The following ICA1 variants were observed in gnomAD, a reference collection of about 807,000 sequenced individuals.
ICA1 encodes islet cell autoantigen 1, also known as 69 kDa islet cell autoantigen.
A neutral mutation model predicts 71.0 loss-of-function variants in ICA1; 40 were observed. That is an observed-to-expected ratio of 0.56 (90% CI 0.44 to 0.73). The LOEUF is 0.73. Among genes scored for constraint, ICA1 ranks in the 30% least tolerant of loss-of-function variants. The pLI, the probability that ICA1 is intolerant of heterozygous loss-of-function variation, is 0.00. For missense variants in ICA1, 578 were observed against 576.5 expected (o/e 1.00, Z -0.03); for synonymous variants, 207 against 209.5 (o/e 0.99, Z 0.10).
rs1302546333 is a variant in ICA1, at chr7:8,234,126, G to A, written c.18-1371C>T. Among the ~76,000 whole-genome samples, 2 of 152,154 alleles carry A rather than the reference G, an allele frequency of 1.3e-5. No homozygotes were observed. The highest frequency in any genetic ancestry group is 2.4e-5 in the African/African-American group (1 of 41,428). ...AGCTACTCAGCAGACTGAAGTGGGT[G>A]GATTGTTCAAGTCCAGGAGTTTGAG... On this transcript the variant is annotated intron_variant, in intron 2 of 13. Transcript: ENST00000402384. This position sits in a 1 kb window ranked among gnomAD's most constrained non-coding sequence, Gnocchi z 4.5.
At chr7:8,251,392 G>A (rs529185167) in intron 1 of ICA1, among the ~76,000 whole-genome samples, 1 of 150,124 alleles carries the variant, frequency 6.7e-6, no homozygotes, top group Non-Finnish European at 1.5e-5. Context: ...CACACACTTA[G>A]TCATCACTTC....
Position 8,146,742 on chromosome 7 carries a change from C to T in ICA1, c.805-2770G>A, listed in dbSNP as rs13242609. On this transcript the variant is annotated intron_variant, in intron 8 of 13. Transcript: ENST00000402384. ...ACGTGTGTGCGTGTGTGTGCGTGTG[C>T]GTGTGTGTGTGTGTGTGTGTGTTTA... Among the ~76,000 whole-genome samples the T allele has an allele frequency of 9.0e-5, 13 of 143,770 alleles. No homozygotes were observed. The East Asian group carries it at 2.0e-3, about 22-fold the overall frequency. 94.3% of individuals were successfully genotyped at this position (143,770 alleles called of 152,430 possible). A position where few individuals can be genotyped will look rare whatever the true frequency, so the allele number is the denominator to read the frequency against.
intron 1 of ICA1, among the ~76,000 whole-genome samples, chr7:8,251,617 G>A (rs927717919): frequency 4.6e-5 from 7 of 151,776 alleles, no homozygotes; most frequent in Admixed American, 2.0e-4. Context: ...TCAGGTTAAA[G>A]GTCAAGTTCA....
chr7:8,127,096 C>G (rs1266914969), intron 13 of ICA1, among the ~76,000 whole-genome samples: 4 of 151,976 alleles, frequency 2.6e-5, no homozygotes, highest in African/African-American at 9.7e-5. Context: ...GCCTCAGCCT[C>G]CTGAGTAACT....
At chr7:8,200,678 A>T (rs1243844675) in intron 6 of ICA1, among the ~76,000 whole-genome samples, 2 of 152,238 alleles carry the variant, frequency 1.3e-5, no homozygotes, top group Non-Finnish European at 2.9e-5. Flanking sequence ...ACTAGACTGT[A>T]GTTGACTACT....
intron 6 of ICA1, among the ~76,000 whole-genome samples, chr7:8,188,157 TA>T (rs1784460305): frequency 6.6e-6 from 1 of 152,224 alleles, no homozygotes; most frequent in Admixed American, 6.5e-5. Flanking sequence ...TTTTGTTATT[TA>T]TATGAAAAGA....
chr7:8,211,292 G>A (rs779289233), intron 6 of ICA1, among the ~76,000 whole-genome samples: 1 of 152,048 alleles, frequency 6.6e-6, no homozygotes, highest in Non-Finnish European at 1.5e-5. Flanking sequence ...CTTGCCTTGT[G>A]CCATGTGCCC....
intron 6 of ICA1, among the ~76,000 whole-genome samples, chr7:8,194,994 T>C (rs1786955071): frequency 6.6e-6 from 1 of 152,198 alleles, no homozygotes; most frequent in African/African-American, 2.4e-5. Context: ...GGACATGCTA[T>C]TCAAAATATA....
chr7:8,218,742 G>A (rs1255563208), intron 5 of ICA1: 17 of 541,770 alleles, frequency 3.1e-5, no homozygotes, highest in Non-Finnish European at 1.0e-5. Context: ...CCACTGGCAA[G>A]CACCTCCATC....
intron 1 of ICA1, among the ~76,000 whole-genome samples, chr7:8,259,207 A>C (rs568664225): frequency 2.0e-5 from 3 of 152,214 alleles, no homozygotes; most frequent in Non-Finnish European, 4.4e-5. Flanking sequence ...ATCTTGTTAA[A>C]ATGGAGATTT....
intron 12 of ICA1, among the ~76,000 whole-genome samples, chr7:8,129,570 T>G (rs1449775051): frequency 6.6e-6 from 1 of 152,228 alleles, no homozygotes; most frequent in Non-Finnish European, 1.5e-5. Flanking sequence ...GTCGGACAAC[T>G]GTCTAATGTA....
chr7:8,169,901 A>AGTGT (rs58794085), intron 6 of ICA1, among the ~76,000 whole-genome samples: 10,475 of 147,118 alleles, frequency 0.071, 430 homozygotes, highest in East Asian at 0.23. Flanking sequence ...TTAATGCCTG[A>AGTGT]GTGTGTGTGT....
At chr7:8,230,250 C>T (rs1183877739) in intron 3 of ICA1, among the ~76,000 whole-genome samples, 4 of 152,170 alleles carry the variant, frequency 2.6e-5, no homozygotes, top group African/African-American at 9.7e-5. Flanking sequence ...AATATTAAAA[C>T]TCAGCGCAAT....
At chr7:8,138,770 T>C in intron 12 of ICA1, 70 bp downstream of exon 12, 2 of 1,243,400 alleles carry the variant, frequency 1.6e-6, no homozygotes, top group Non-Finnish European at 2.3e-6. Context: ...AGATTACACT[T>C]TCTTACATGT....
intron 6 of ICA1, among the ~76,000 whole-genome samples, chr7:8,208,775 G>A (rs1331757067): frequency 2.0e-5 from 3 of 152,278 alleles, no homozygotes; most frequent in South Asian, 2.1e-4. Flanking sequence ...AGAGGCCAGC[G>A]GAACAGTCAG....
chr7:8,129,396 G>A (rs1310393216), intron 12 of ICA1, among the ~76,000 whole-genome samples: 4 of 150,582 alleles, frequency 2.7e-5, no homozygotes, highest in Non-Finnish European at 4.4e-5. Context: ...AAAGTTCTCT[G>A]TGTTGGCTTT....
chr7:8,115,720 C>G (rs927773884), intron 13 of ICA1, among the ~76,000 whole-genome samples: 1 of 152,208 alleles, frequency 6.6e-6, no homozygotes, highest in Non-Finnish European at 1.5e-5. Context: ...AAGAGAAAGT[C>G]AGTGATACCA....
chr7:8,180,633 A>C (rs1174605217), intron 6 of ICA1, among the ~76,000 whole-genome samples: 1 of 152,062 alleles, frequency 6.6e-6, no homozygotes, highest in African/African-American at 2.4e-5. Flanking sequence ...CTGTTCCTTC[A>C]CATTCTCATT....
chr7:8,135,367 G>A (rs1012772032), intron 12 of ICA1, among the ~76,000 whole-genome samples: 2 of 151,986 alleles, frequency 1.3e-5, no homozygotes, highest in African/African-American at 4.8e-5. Context: ...AATCTATAGA[G>A]AGCACTACAG....
Sources: gnomAD v4.1 joint callset for allele counts (sites outside exome capture counted in the v4.1 genomes callset) on GRCh38, gnomAD v4.1.1 for gene constraint, Gnocchi (gnomAD v3.1) non-coding constraint, MANE v1.5 for transcripts, NCBI Gene and HGNC (gene_info 2026-07-23, HGNC 2026-07-21) for gene names.